Variants in SPATA19 observed in about 807,000 individuals in gnomAD.
SPATA19 encodes the protein spermatogenesis associated 19, also known as spermatogenesis-associated protein 19, mitochondrial.
SPATA19 carries 19 observed loss-of-function variants against 25.0 expected under a neutral mutation model. The observed-to-expected ratio is 0.76, with a 90% CI of 0.53 to 1.11. The LOEUF is 1.11. SPATA19 is among the 50% of genes most tolerant of loss of function. The pLI is 0.00. For missense variants in SPATA19, 222 were observed against 211.4 expected, an observed-to-expected ratio of 1.05 and a Z score of -0.31; for synonymous variants, 64 against 69.3, an observed-to-expected ratio of 0.92 and a Z score of 0.38.
Position 133,845,509 on chromosome 11 carries a change from C to A in SPATA19, c.-63G>T, listed in dbSNP as rs1938404242. The stretch of plus-strand genomic sequence containing the variant: ...CTTCCATTGAAGCTGCCTGAGAACT[C>A]CTATGGGACAGGAAGGTCATTGAAG... On this transcript the variant is annotated 5_prime_UTR_variant, in exon 1 of 7. Coordinates refer to ENST00000299140, the MANE Select transcript of SPATA19 (RefSeq NM_174927.3). The A allele has an allele frequency of 1.9e-6, 3 of 1,558,202 alleles. No homozygotes were observed. Among genetic ancestry groups the A allele is most frequent in the Non-Finnish European group, 2.6e-6 (3 of 1,133,560 alleles).
At position 133,845,151 on chromosome 11, in the gene SPATA19, G is replaced by A; in HGVS notation, c.118C>T (p.His40Tyr). ...VVESEAVSVL[H>Y]HWLKKTEEEA... ...TTACTCACTTTTTTCAACCAATGATGTAGTACAGACACAGCCTCACTTTCC... is the reference window on the plus strand; with the variant it reads ...TTACTCACTTTTTTCAACCAATGATATAGTACAGACACAGCCTCACTTTCC... Residue 40 changes from histidine to tyrosine, a missense_variant, in exon 2 of 7, where the codon CAT becomes TAT. His to Tyr is a moderately conservative substitution (Grantham distance 83). Coordinates refer to ENST00000299140, the MANE Select transcript of SPATA19 (RefSeq NM_174927.3). 1 of 1,613,984 alleles carries A rather than the reference G, an allele frequency of 6.2e-7. No homozygotes were observed. The highest frequency in any genetic ancestry group is 1.7e-5 in the Admixed American group (1 of 59,992).
downstream of SPATA19, among the ~76,000 whole-genome samples, chr11:133,838,467 G>A (rs375308418): frequency 3.0e-3 from 460 of 152,306 alleles, 3 homozygotes; most frequent in African/African-American, 0.011. Flanking sequence ...TGTGAAAACT[G>A]ACTAGCCATA....
chr11:133,840,071 A>G (rs976469524), downstream of SPATA19, among the ~76,000 whole-genome samples: 13 of 152,232 alleles, frequency 8.5e-5, no homozygotes, highest in Non-Finnish European at 4.4e-5. Flanking sequence ...CACCTTATCT[A>G]TAGAGGAACA....
chr11:133,843,199 A>C (rs55801927), intron 4 of SPATA19, among the ~76,000 whole-genome samples: 50,687 of 151,974 alleles, frequency 0.33, 9,441 homozygotes, highest in East Asian at 0.6. Flanking sequence ...AAAGCTTAAA[A>C]CTAGTTTTTT....
chr11:133,842,970 C>T (rs1938342843), intron 4 of SPATA19, among the ~76,000 whole-genome samples: 1 of 152,094 alleles, frequency 6.6e-6, no homozygotes, highest in Non-Finnish European at 1.5e-5. Flanking sequence ...AAGCCTACAG[C>T]GAGGAAGCTG....
At chr11:133,843,021 G>C (rs1938343461) in intron 4 of SPATA19, among the ~76,000 whole-genome samples, 1 of 151,972 alleles carries the variant, frequency 6.6e-6, no homozygotes, top group African/African-American at 2.4e-5. Flanking sequence ...TTTCATAAAG[G>C]GATATATATA....
chr11:133,837,035 C>A (rs1304367656), downstream of SPATA19, among the ~76,000 whole-genome samples: 2 of 152,146 alleles, frequency 1.3e-5, no homozygotes, highest in African/African-American at 4.8e-5. Flanking sequence ...TTGGATAGGA[C>A]CAGGCATATA....
chr11:133,844,687 C>T (rs1938384502), intron 2 of SPATA19, 47 bp from the exon 3 acceptor site: 10 of 1,545,990 alleles, frequency 6.5e-6, no homozygotes, highest in Admixed American at 2.0e-5. Flanking sequence ...TGCATCCAAC[C>T]CTGGGTCTTC....
At chr11:133,839,863 C>T (rs572506384), downstream of SPATA19, among the ~76,000 whole-genome samples, 1 of 151,874 alleles carries the variant, frequency 6.6e-6, no homozygotes, top group South Asian at 2.1e-4. Flanking sequence ...GAAGAATACC[C>T]GCAAAAAAGA....
chr11:133,842,163 A>C, intron 5 of SPATA19, 58 bp from the exon 6 acceptor site: 1 of 1,546,170 alleles, frequency 6.5e-7, no homozygotes, highest in Non-Finnish European at 8.9e-7. Context: ...AGCAGAGCCT[A>C]CCCAGACCAC....
downstream of SPATA19, among the ~76,000 whole-genome samples, chr11:133,839,526 T>C (rs1436539833): frequency 8.3e-6 from 1 of 120,962 alleles, no homozygotes; most frequent in Non-Finnish European, 1.7e-5. Context: ...ATCCGGGGCC[T>C]GTTGTGGGGT....
rs760314482 is a variant in SPATA19 at position 133,842,520 on chromosome 11, G to A, written c.402C>T (p.Asp134=). 4 of 1,614,018 alleles carry A rather than the reference G, an allele frequency of 2.5e-6. No individual in the cohort carries two copies. In the South Asian group the frequency reaches 4.4e-5, roughly 18 times the overall value. Residue 134 remains aspartate, a synonymous_variant, in exon 5 of 7, where the codon GAC becomes GAT. Transcript: ENST00000299140. ...IFQVPSEMTE[D]IMRDRIEQVR... ...CCTGCTCTATTCGATCTCGCATGATGTCCTCTGTCATCTCACTTGGCACTT... is the reference window on the plus strand; with the variant it reads ...CCTGCTCTATTCGATCTCGCATGATATCCTCTGTCATCTCACTTGGCACTT...
Position 133,845,360 on chromosome 11 carries a change from G to C in SPATA19, c.78+9C>G. On this transcript the variant is annotated intron_variant, in intron 1 of 6. Transcript: ENST00000299140. ...AATTATTCCATGTGACTACCACCAAGCTGCTTACCGAACTGGTTATTGGTA... is the reference window on the plus strand; with the variant it reads ...AATTATTCCATGTGACTACCACCAACCTGCTTACCGAACTGGTTATTGGTA... The C allele has an allele frequency of 6.2e-7, 1 of 1,600,270 alleles. No homozygotes were observed. The highest frequency in any genetic ancestry group is 8.6e-7 in the Non-Finnish European group (1 of 1,167,736).
chr11:133,837,380 C>T (rs1462474183), downstream of SPATA19, among the ~76,000 whole-genome samples: 4 of 152,184 alleles, frequency 2.6e-5, no homozygotes, highest in Admixed American at 2.6e-4. Context: ...TGACAAATTG[C>T]TGGAGGCTAA....
downstream of SPATA19, among the ~76,000 whole-genome samples, chr11:133,836,600 G>C (rs1319110521): frequency 1.3e-5 from 2 of 152,194 alleles, no homozygotes; most frequent in Non-Finnish European, 2.9e-5. Context: ...AGCCTCTCTG[G>C]ACTGACTGTC....
At chr11:133,838,749 C>A (rs1938249536), downstream of SPATA19, among the ~76,000 whole-genome samples, 1 of 152,110 alleles carries the variant, frequency 6.6e-6, no homozygotes, top group South Asian at 2.1e-4. Context: ...AGGCAACCTA[C>A]AAAATGGGAG....
At chr11:133,838,318 C>T (rs1210704741), downstream of SPATA19, among the ~76,000 whole-genome samples, 1 of 152,112 alleles carries the variant, frequency 6.6e-6, no homozygotes, top group Non-Finnish European at 1.5e-5. Flanking sequence ...TAATCAAAAA[C>T]ACTATATAGG....
chr11:133,842,208 C>A (rs1938323875), intron 5 of SPATA19, 103 bp from the exon 6 acceptor site: 3 of 1,225,092 alleles, frequency 2.4e-6, no homozygotes, highest in Non-Finnish European at 3.6e-6. Context: ...CAGGCCGTGC[C>A]TAGGCCGTGG....
Position 133,842,575 on chromosome 11 carries a change from A to G in SPATA19, c.360-13T>C, listed in dbSNP as rs1199275831. ...GATACGAGTGTGGCTGCAAAAGGCCATTCGTACATTGGCATATGGGATCTG... is the reference window on the plus strand; with the variant it reads ...GATACGAGTGTGGCTGCAAAAGGCCGTTCGTACATTGGCATATGGGATCTG... On this transcript the variant is annotated splice_polypyrimidine_tract_variant and intron_variant, in intron 4 of 6. Transcript: ENST00000299140. 2 of 1,603,890 alleles carry G rather than the reference A, an allele frequency of 1.2e-6. No homozygotes were observed. The highest frequency in any genetic ancestry group is 4.5e-5 in the East Asian group (2 of 44,796).
Sources: allele counts gnomAD v4.1 joint callset (sites outside exome capture counted in the v4.1 genomes callset), GRCh38; gene constraint gnomAD v4.1.1; transcripts MANE v1.5; gene names NCBI Gene and HGNC (gene_info 2026-07-23, HGNC 2026-07-21).